BAZ2B: variants seen among roughly 807,000 people sequenced by gnomAD.
BAZ2B encodes the protein bromodomain adjacent to zinc finger domain 2B, also known as bromodomain adjacent to zinc finger domain protein 2B.
In BAZ2B, 91 loss-of-function variants were observed where a neutral mutation model predicts 246.0. The observed-to-expected ratio is 0.37, with a 90% CI of 0.31 to 0.44. The LOEUF (loss-of-function observed/expected upper bound fraction) is 0.44, where lower values mean the gene tolerates loss of function less well. Ranked by LOEUF, BAZ2B falls within the 20% of genes least tolerant of loss-of-function variation. The pLI is 1.00. For missense variants in BAZ2B, 2,332 were observed against 2,533.7 expected, an observed-to-expected ratio of 0.92 and a Z score of 1.71; for synonymous variants, 855 against 860.0, an observed-to-expected ratio of 0.99 and a Z score of 0.10.
At chr2:159,411,561 T>A (rs981000540) in intron 14 of BAZ2B, among the ~76,000 whole-genome samples, 12 of 152,214 alleles carry the variant, frequency 7.9e-5, no homozygotes, top group African/African-American at 2.9e-4. Context: ...TTTATATATA[T>A]GCCTTGCAAA....
the BAZ2B span, among the ~76,000 whole-genome samples, chr2:159,685,480 C>T: frequency 6.6e-4 from 101 of 152,036 alleles, no homozygotes; most frequent in Non-Finnish European, 1.2e-3. Flanking sequence ...TTCTAAATAT[C>T]ATTCTCTAAT....
chr2:159,530,584 T>C (rs1442807868), intron 2 of BAZ2B, among the ~76,000 whole-genome samples: 1 of 152,218 alleles, frequency 6.6e-6, no homozygotes, highest in African/African-American at 2.4e-5. Flanking sequence ...AAAATATTTA[T>C]TGAGGAATAA....
chr2:159,343,370 A>T (rs529534260), intron 31 of BAZ2B, among the ~76,000 whole-genome samples: 6 of 152,328 alleles, frequency 3.9e-5, no homozygotes, highest in African/African-American at 1.2e-4. Context: ...TCAAAAGCAC[A>T]GGTAACAGAA....
intron 25 of BAZ2B, among the ~76,000 whole-genome samples, chr2:159,375,784 G>T (rs1475401071): frequency 6.6e-6 from 1 of 152,168 alleles, no homozygotes; most frequent in Non-Finnish European, 1.5e-5. Context: ...GCACAGAGGG[G>T]CAAGGGAGAT....
chr2:159,402,934 C>T (rs1200265224), intron 16 of BAZ2B, among the ~76,000 whole-genome samples: 4 of 152,124 alleles, frequency 2.6e-5, no homozygotes, highest in African/African-American at 9.7e-5. Flanking sequence ...AAATTATCTT[C>T]TTTTTACATA....
chr2:159,393,189 G>GA (rs2063557158), intron 20 of BAZ2B, among the ~76,000 whole-genome samples: 1 of 152,102 alleles, frequency 6.6e-6, no homozygotes, highest in South Asian at 2.1e-4. Flanking sequence ...AGGTCAGTGG[G>GA]AAAATGCCAT....
At chr2:159,578,642 G>A (rs1030041268) in intron 1 of BAZ2B, among the ~76,000 whole-genome samples, 6 of 152,164 alleles carry the variant, frequency 3.9e-5, no homozygotes, top group East Asian at 1.9e-4. Flanking sequence ...GCAACACATC[G>A]CACTTATTCC....
chr2:159,447,107 G>T (rs1257571875), intron 5 of BAZ2B, 132 bp from the exon 6 acceptor site: 7 of 614,388 alleles, frequency 1.1e-5, no homozygotes, highest in Non-Finnish European at 1.8e-5. Flanking sequence ...AGGTCATGTT[G>T]TATGATTCCA....
chr2:159,462,207 C>T (rs2076492803), intron 3 of BAZ2B: 1 of 447,340 alleles, frequency 2.2e-6, no homozygotes, highest in African/African-American at 2.0e-5. Flanking sequence ...CAGAAAATTA[C>T]AAAGCAGAGA....
chr2:159,532,810 A>C (rs995131845), intron 2 of BAZ2B, among the ~76,000 whole-genome samples: 1 of 152,190 alleles, frequency 6.6e-6, no homozygotes, highest in Non-Finnish European at 1.5e-5. Context: ...TTTACAAGTC[A>C]CACTCGTTTT....
chr2:159,400,579 A>G lies in BAZ2B; in HGVS notation c.2898+20T>C. 6.9e-7 allele frequency: 1 copy of G among 1,439,768 alleles called. No homozygotes were observed. 89.2% of individuals were successfully genotyped at this position (1,439,768 alleles called of 1,614,324 possible). On this transcript the variant is annotated intron_variant, in intron 17 of 36. Coordinates refer to ENST00000392783, the MANE Select transcript of BAZ2B (RefSeq NM_013450.4). ...TATATGGCTAAATTACTTTAATTAT[A>G]TTAAATTTAAGACTTCTACCTCTAG...
At chr2:159,385,517 A>C in intron 22 of BAZ2B, 148 bp from the exon 23 acceptor site, 1 of 661,888 alleles carries the variant, frequency 1.5e-6, no homozygotes, top group Non-Finnish European at 2.5e-6. Flanking sequence ...ACACAAAAAT[A>C]GTCAATAGAA....
intron 2 of BAZ2B, among the ~76,000 whole-genome samples, chr2:159,552,945 C>T (rs11678682): frequency 0.027 from 4,144 of 152,014 alleles, 101 homozygotes; most frequent in Non-Finnish European, 0.042. Context: ...TTTGATTTCA[C>T]CAGAAGAAAT....
chr2:159,449,760 T>C (rs2074785639), intron 4 of BAZ2B, among the ~76,000 whole-genome samples: 3 of 152,190 alleles, frequency 2.0e-5, no homozygotes, highest in Admixed American at 6.5e-5. Flanking sequence ...ACCGTTTAGA[T>C]GAAAGATGTA....
upstream of BAZ2B, among the ~76,000 whole-genome samples, chr2:159,620,551 G>C (rs1696390191): frequency 6.6e-6 from 1 of 152,108 alleles, no homozygotes; most frequent in African/African-American, 2.4e-5. Context: ...GACTAGAAAA[G>C]GCTTTATCAA....
chr2:159,408,600 G>C (rs2066323423), intron 14 of BAZ2B, among the ~76,000 whole-genome samples: 1 of 152,014 alleles, frequency 6.6e-6, no homozygotes, highest in South Asian at 2.1e-4. Context: ...TACATTATGG[G>C]CAGTTGGAAA....
chr2:159,453,083 G>T (rs962157849), intron 4 of BAZ2B, among the ~76,000 whole-genome samples: 5 of 152,090 alleles, frequency 3.3e-5, no homozygotes, highest in African/African-American at 1.2e-4. Context: ...CTGGGCAACA[G>T]AGCAAGATTT....
chr2:159,366,479 C>T (rs1209302835), intron 27 of BAZ2B, among the ~76,000 whole-genome samples: 1 of 152,192 alleles, frequency 6.6e-6, no homozygotes, highest in Admixed American at 6.5e-5. Flanking sequence ...ACACTGGTCA[C>T]TTTTCCAGCT....
chr2:159,575,638 A>C (rs528267066), intron 1 of BAZ2B, among the ~76,000 whole-genome samples: 2 of 152,312 alleles, frequency 1.3e-5, no homozygotes, highest in Admixed American at 1.3e-4. Context: ...AAAGTGAGGA[A>C]TGGAGACCCT....
Sources: allele counts gnomAD v4.1 joint callset (sites outside exome capture counted in the v4.1 genomes callset), GRCh38; gene constraint gnomAD v4.1.1; transcripts MANE v1.5; gene names NCBI Gene and HGNC (gene_info 2026-07-23, HGNC 2026-07-21).